Variants in FAM171A1 observed in about 807,000 individuals in gnomAD.
FAM171A1 encodes protein FAM171A1.
A neutral mutation model predicts 74.9 loss-of-function variants in FAM171A1; 23 were observed. The observed-to-expected ratio is 0.31, with a 90% confidence interval of 0.22 to 0.44. FAM171A1 has a LOEUF of 0.44. FAM171A1 is among the 20% of genes least tolerant of loss of function. The probability of loss-of-function intolerance (pLI) is 1.00; values close to 1 mark genes in which losing one functional copy is unlikely to be tolerated. For synonymous variants in FAM171A1, 527 were observed against 505.7 expected, an observed-to-expected ratio of 1.04 and a Z score of -0.57; for missense variants, 1,162 against 1,159.2, an observed-to-expected ratio of 1.00 and a Z score of -0.03.
At chr10:15,295,444 C>A (rs74610105) in intron 1 of FAM171A1, among the ~76,000 whole-genome samples, 1,770 of 152,272 alleles carry the variant, frequency 0.012, 35 homozygotes, top group African/African-American at 0.04. Flanking sequence ...CTGCCCTTCT[C>A]ATTTCTCATA....
chr10:15,289,505 A>G (rs1482464122), intron 1 of FAM171A1, among the ~76,000 whole-genome samples: 1 of 152,058 alleles, frequency 6.6e-6, no homozygotes, highest in Non-Finnish European at 1.5e-5. Context: ...TTTCTTTTGT[A>G]CCCTCGTGAA....
chr10:15,303,162 C>T (rs1835253424), intron 1 of FAM171A1, among the ~76,000 whole-genome samples: 2 of 152,054 alleles, frequency 1.3e-5, no homozygotes, highest in Non-Finnish European at 2.9e-5. Context: ...GCACTCCAGC[C>T]TGGGCGACAA....
chr10:15,252,728 T>C (rs771774560), intron 4 of FAM171A1, among the ~76,000 whole-genome samples: 1 of 152,210 alleles, frequency 6.6e-6, no homozygotes, highest in Non-Finnish European at 1.5e-5. Flanking sequence ...GGAAGAGAAA[T>C]TTCATGTCAC....
At chr10:15,338,894 C>T (rs1283722262) in intron 1 of FAM171A1, among the ~76,000 whole-genome samples, 2 of 152,192 alleles carry the variant, frequency 1.3e-5, no homozygotes, top group Non-Finnish European at 2.9e-5. Flanking sequence ...GCATGCGCCA[C>T]CACGCCTAGC....
At chr10:15,307,671 T>C (rs547591862) in intron 1 of FAM171A1, among the ~76,000 whole-genome samples, 1 of 105,580 alleles carries the variant, frequency 9.5e-6, no homozygotes, top group African/African-American at 3.8e-5. Context: ...AAAAAAAAAA[T>C]GCGACTTGAA....
chr10:15,242,996 G>C (rs963853788), intron 5 of FAM171A1, among the ~76,000 whole-genome samples: 23 of 152,280 alleles, frequency 1.5e-4, no homozygotes, highest in African/African-American at 5.3e-4. Context: ...ACAAATAATA[G>C]GGTCTTAAAA....
upstream of FAM171A1, among the ~76,000 whole-genome samples, chr10:15,372,274 TCA>T (rs571098604): frequency 1.5e-3 from 228 of 152,164 alleles, 1 homozygote; most frequent in African/African-American, 5.3e-3. Flanking sequence ...TCCCCCCCAT[TCA>T]CAGATGAGAA....
In FAM171A1 at chr10:15,214,344, A is replaced by C. The variant is rs1315088990; in HGVS notation, c.1244T>G (p.Leu415Arg). 1.2e-6 allele frequency: 2 copies of C among 1,612,588 alleles called. No individual in the cohort carries two copies. Among genetic ancestry groups the C allele is most frequent in the East Asian group, 2.2e-5 (1 of 44,858 alleles). ...GGEGDLHTPM[L>R]KLSYSTSQEF... Reference sequence around the variant, plus strand: ...CTGGGAGGTGCTGTAGGAGAGCTTGAGCATGGGGGTGTGCAGGTCCCCTTC... The same window carrying C: ...CTGGGAGGTGCTGTAGGAGAGCTTGCGCATGGGGGTGTGCAGGTCCCCTTC... Residue 415 changes from leucine (L) to arginine (R), a missense_variant, in exon 8 of 8, where the codon CTC becomes CGC. Leu to Arg is a moderately radical substitution (Grantham distance 102). Transcript: ENST00000378116.
intron 1 of FAM171A1, among the ~76,000 whole-genome samples, chr10:15,369,211 T>TGAATATATATATATATATA (rs1564293883): frequency 6.8e-6 from 1 of 147,206 alleles, no homozygotes; most frequent in Non-Finnish European, 1.5e-5. Context: ...ATATATATAT[T>TGAATATATATATATATATA]GAATATATAT....
chr10:15,371,045 C>T lies in FAM171A1; in HGVS notation c.8G>A (p.Arg3Lys), dbSNP rs1199078020. Residue 3 changes from arginine to lysine, a missense_variant, in exon 1 of 8, where the codon AGG (arginine) becomes AAG (lysine). By Grantham distance (26) the Arg-to-Lys change is conservative (BLOSUM62 2). Transcript: ENST00000378116. Reference protein sequence around the residue: MSRSATLLLCLLG... With the variant: MSKSATLLLCLLG... ...CAGGCACAGCAGCAGCGTCGCGGAC[C>T]TGCTCATCTCCGCCGCGGGGCCGGC... The T allele has an allele frequency of 1.8e-6, 2 of 1,117,976 alleles. No individual in the cohort carries two copies. The highest frequency in any genetic ancestry group is 2.2e-6 in the Non-Finnish European group (2 of 897,592). 69.3% of individuals were successfully genotyped at this position (1,117,976 alleles called of 1,614,324 possible).
At chr10:15,267,315 G>A (rs1356248779) in intron 3 of FAM171A1, among the ~76,000 whole-genome samples, 1 of 152,098 alleles carries the variant, frequency 6.6e-6, no homozygotes, top group Admixed American at 6.5e-5. Flanking sequence ...TATAAGAAGG[G>A]GAGAAGAGGC....
chr10:15,243,562 G>A (rs1169027500), intron 5 of FAM171A1, among the ~76,000 whole-genome samples: 2 of 152,028 alleles, frequency 1.3e-5, no homozygotes, highest in African/African-American at 2.4e-5. Flanking sequence ...GGAATCCCTA[G>A]GGAAGGCTTC....
rs559398047 is a variant in FAM171A1, at chr10:15,371,243, C to CGCGGCG, written c.-197_-192dup. Among the ~76,000 whole-genome samples the CGCGGCG allele has an allele frequency of 0.025, 3,472 of 141,642 alleles. 83 individuals are homozygous for CGCGGCG. The highest frequency in any genetic ancestry group is 0.06 in the African/African-American group (2,391 of 39,878). The allele number at this position is 141,642 out of a possible 152,430, so 92.9% of individuals were successfully genotyped here. A position where few individuals can be genotyped will look rare whatever the true frequency, so the allele number is the denominator to read the frequency against. On this transcript the variant is annotated 5_prime_UTR_variant, in exon 1 of 8. Coordinates refer to ENST00000378116, the MANE Select transcript of FAM171A1 (RefSeq NM_001010924.2). The stretch of plus-strand genomic sequence containing the variant: ...CCCGCGCCGGGTTTCCCCGAAGAGC[C>CGCGGCG]GCGGCGGCGGCGGCGGCGGCGGCTG...
At chr10:15,334,118 T>C (rs1055808162) in intron 1 of FAM171A1, among the ~76,000 whole-genome samples, 8 of 152,232 alleles carry the variant, frequency 5.3e-5, no homozygotes, top group African/African-American at 1.9e-4. Context: ...CCAGATGTCA[T>C]GGCTTCATTA....
chr10:15,242,602 G>A (rs1834376517), intron 5 of FAM171A1, among the ~76,000 whole-genome samples: 1 of 152,208 alleles, frequency 6.6e-6, no homozygotes, highest in Non-Finnish European at 1.5e-5. Flanking sequence ...GGGCAACATG[G>A]TGAGACCTTG....
chr10:15,356,486 A>G (rs1835933704), intron 1 of FAM171A1, among the ~76,000 whole-genome samples: 1 of 152,194 alleles, frequency 6.6e-6, no homozygotes, highest in South Asian at 2.1e-4. Flanking sequence ...AATATTGTCC[A>G]TGGAAGAATT....
intron 1 of FAM171A1, among the ~76,000 whole-genome samples, chr10:15,351,619 GGATGCATGGATA>G (rs1835880094): frequency 1.3e-5 from 2 of 151,358 alleles, no homozygotes; most frequent in African/African-American, 4.9e-5. Context: ...ATGCATGGAT[GGATGCATGGATA>G]GATGGATGCA....
chr10:15,316,548 G>C (rs1174940606), intron 1 of FAM171A1, among the ~76,000 whole-genome samples: 1 of 152,146 alleles, frequency 6.6e-6, no homozygotes, highest in Non-Finnish European at 1.5e-5. Flanking sequence ...CCAAGATGCT[G>C]ACTTAGTGAT....
chr10:15,352,392 C>T (rs1189088468), intron 1 of FAM171A1, among the ~76,000 whole-genome samples: 2 of 152,138 alleles, frequency 1.3e-5, no homozygotes, highest in Admixed American at 6.5e-5. Context: ...ATGGGCCTCA[C>T]CCAATTAATA....
Sources: gnomAD v4.1 joint callset for allele counts (sites outside exome capture counted in the v4.1 genomes callset) on GRCh38, gnomAD v4.1.1 for gene constraint, MANE v1.5 for transcripts, NCBI Gene and HGNC (gene_info 2026-07-23, HGNC 2026-07-21) for gene names.